ACSS3: variants seen among roughly 807,000 people sequenced by gnomAD.
ACSS3 encodes the protein acyl-CoA synthetase short-chain family member 3, mitochondrial.
In ACSS3, 64 loss-of-function variants were observed where a neutral mutation model predicts 84.2. That is an observed-to-expected ratio of 0.76 (90% CI 0.62 to 0.94). The LOEUF (loss-of-function observed/expected upper bound fraction) is 0.94. Ranked by LOEUF, ACSS3 falls within the 40% of genes least tolerant of loss-of-function variation. The pLI is 0.00. For synonymous variants in ACSS3, 317 were observed against 310.1 expected (o/e 1.02, Z -0.23); for missense variants, 815 against 867.6 (o/e 0.94, Z 0.76).
chr12:81,087,184 T>C (rs2121303734), intron 1 of ACSS3, among the ~76,000 whole-genome samples: 1 of 152,260 alleles, frequency 6.6e-6, no homozygotes, highest in Middle Eastern at 3.4e-3. Context: ...GCTTTAATAA[T>C]TTAAAACATT....
chr12:81,134,234 G>A (rs1429169200), intron 2 of ACSS3, among the ~76,000 whole-genome samples: 1 of 152,092 alleles, frequency 6.6e-6, no homozygotes, highest in Non-Finnish European at 1.5e-5. Flanking sequence ...CTAGTTCTCT[G>A]ACCTTGGTTA....
chr12:81,149,687 G>A (rs1190772874), intron 5 of ACSS3, among the ~76,000 whole-genome samples: 3 of 151,994 alleles, frequency 2.0e-5, no homozygotes, highest in Non-Finnish European at 4.4e-5. Context: ...AAAGACTAAC[G>A]AAAAACAGAA....
chr12:81,184,511 GAAC>G (rs1477141713), intron 8 of ACSS3, among the ~76,000 whole-genome samples: 3 of 151,330 alleles, frequency 2.0e-5, no homozygotes, highest in Admixed American at 6.6e-5. Flanking sequence ...ACTTTTTGAA[GAAC>G]AACAAAATTT....
intron 13 of ACSS3, among the ~76,000 whole-genome samples, chr12:81,246,864 T>C (rs917197240): frequency 6.6e-6 from 1 of 152,158 alleles, no homozygotes; most frequent in African/African-American, 2.4e-5. Flanking sequence ...GATGAAATAA[T>C]CTGTACAACA....
At chr12:81,228,039 A>T (rs1921071) in intron 11 of ACSS3, among the ~76,000 whole-genome samples, 64,886 of 151,566 alleles carry the variant, frequency 0.43, 14,466 homozygotes, top group Non-Finnish European at 0.49. Context: ...AGAGAAAGTG[A>T]AGAGCTGAGA....
intron 5 of ACSS3, among the ~76,000 whole-genome samples, chr12:81,147,555 C>A (rs943449949): frequency 6.6e-6 from 1 of 152,112 alleles, no homozygotes; most frequent in African/African-American, 2.4e-5. Flanking sequence ...ACATTTGACA[C>A]AAATAACAGG....
At chr12:81,163,444 G>A (rs1174192007) in intron 7 of ACSS3, among the ~76,000 whole-genome samples, 1 of 152,128 alleles carries the variant, frequency 6.6e-6, no homozygotes, top group East Asian at 1.9e-4. Flanking sequence ...GCAATTATGT[G>A]CAGCACATTA....
At chr12:81,249,809 C>A (rs2034095157) in intron 13 of ACSS3, among the ~76,000 whole-genome samples, 1 of 152,062 alleles carries the variant, frequency 6.6e-6, no homozygotes, top group African/African-American at 2.4e-5. Flanking sequence ...TATTGCACTG[C>A]AAACTGGCTC....
intron 13 of ACSS3, among the ~76,000 whole-genome samples, chr12:81,240,519 T>C (rs558246442): frequency 3.1e-4 from 47 of 152,218 alleles, no homozygotes; most frequent in African/African-American, 1.1e-3. Flanking sequence ...TTTTAATTGG[T>C]ATATTTAGAT....
chr12:81,104,408 C>T (rs576818032), intron 1 of ACSS3, among the ~76,000 whole-genome samples: 53 of 152,258 alleles, frequency 3.5e-4, no homozygotes, highest in Middle Eastern at 6.8e-3. Flanking sequence ...ATAGTGTGGC[C>T]TCAATTTCAT....
At chr12:81,100,809 C>T (rs1424077340) in intron 1 of ACSS3, among the ~76,000 whole-genome samples, 1 of 152,130 alleles carries the variant, frequency 6.6e-6, no homozygotes, top group Non-Finnish European at 1.5e-5. Context: ...GGCAGGGAGG[C>T]AGGGAGGAGG....
chr12:81,215,086 T>G (rs1173164335), intron 9 of ACSS3, among the ~76,000 whole-genome samples: 2 of 152,196 alleles, frequency 1.3e-5, no homozygotes. Flanking sequence ...GGTGAGCACC[T>G]GGACATTTCT....
intron 1 of ACSS3, among the ~76,000 whole-genome samples, chr12:81,102,607 G>A (rs1218517757): frequency 1.3e-5 from 2 of 152,138 alleles, no homozygotes; most frequent in East Asian, 1.9e-4. Flanking sequence ...CAGATCACCA[G>A]GTCAAGAGAT....
intron 7 of ACSS3, among the ~76,000 whole-genome samples, chr12:81,173,070 A>T (rs2030201140): frequency 6.6e-6 from 1 of 152,224 alleles, no homozygotes; most frequent in African/African-American, 2.4e-5. Context: ...AATCATTTTC[A>T]CTTGGGTGAG....
At chr12:81,159,822 A>G (rs546224366) in intron 7 of ACSS3, among the ~76,000 whole-genome samples, 3 of 152,344 alleles carry the variant, frequency 2.0e-5, no homozygotes, top group African/African-American at 4.8e-5. Flanking sequence ...TTATACAGAG[A>G]TATGCTCCCT....
chr12:81,190,138 T>C (rs1189995183), intron 8 of ACSS3, among the ~76,000 whole-genome samples: 1 of 152,164 alleles, frequency 6.6e-6, no homozygotes, highest in Admixed American at 6.5e-5. Flanking sequence ...TTGTTTTGAA[T>C]ATTCTTGGCT....
intron 11 of ACSS3, among the ~76,000 whole-genome samples, chr12:81,223,131 A>AGT (rs2033163650): frequency 6.6e-6 from 1 of 152,068 alleles, no homozygotes; most frequent in Admixed American, 6.6e-5. Context: ...TTCCTAGCAC[A>AGT]GTGCTCACTG....
At position 81,204,322 on chromosome 12, in the gene ACSS3, T is replaced by C. The variant is rs1226089466; in HGVS notation, c.1354+4878T>C. On this transcript the variant is annotated intron_variant, in intron 9 of 15. Coordinates refer to ENST00000548058, the MANE Select transcript of ACSS3 (RefSeq NM_024560.4). ...CTCCTCTTCTTCCTTCCTCCTCTTC[T>C]TCCTTCCTCCTCTTCTTCCTTCCTT... 3.3e-5 allele frequency among the ~76,000 whole-genome samples: 5 copies of C among 150,666 alleles called. 1 individual carries two copies. Among genetic ancestry groups the C allele is most frequent in the African/African-American group, 1.2e-4 (5 of 40,708 alleles).
At position 81,261,192 on chromosome 12, in the gene ACSS3, G is replaced by T. The variant is rs1201390965; in HGVS notation, c.*6270G>T. ...ATTGATAAGAAACAATGTAATAAAG[G>T]TTTGAATTTTTCACAGTTTCTACTA... On this transcript the variant is annotated 3_prime_UTR_variant, in exon 16 of 16. Transcript: ENST00000548058. 2.0e-5 allele frequency: 3 copies of T among 152,178 alleles called. No homozygotes were observed. The highest frequency in any genetic ancestry group is 4.4e-5 in the Non-Finnish European group (3 of 67,990). 9.4% of individuals were successfully genotyped at this position (152,178 alleles called of 1,614,324 possible). A position where few individuals can be genotyped will look rare whatever the true frequency, so the allele number is the denominator to read the frequency against.
Sources: allele counts gnomAD v4.1 joint callset (sites outside exome capture counted in the v4.1 genomes callset), GRCh38; gene constraint gnomAD v4.1.1; transcripts MANE v1.5; gene names NCBI Gene and HGNC (gene_info 2026-07-23, HGNC 2026-07-21).